MLIP: variants seen among roughly 807,000 people sequenced by gnomAD.
The protein encoded by MLIP is muscular LMNA-interacting protein.
A neutral mutation model predicts 84.8 loss-of-function variants in MLIP; 79 were observed. That is an observed-to-expected ratio of 0.93 (90% CI 0.78 to 1.12). MLIP has a LOEUF of 1.12. Ranked by LOEUF, MLIP falls within the 50% of genes most tolerant of loss-of-function variation. MLIP has a pLI of 0.00. For missense variants in MLIP, 1,257 were observed against 1,160.6 expected, an observed-to-expected ratio of 1.08 and a Z score of -1.21; for synonymous variants, 504 against 463.0, an observed-to-expected ratio of 1.09 and a Z score of -1.14.
At chr6:54,154,324 T>TAGGA (rs2150540388) in intron 5 of MLIP, among the ~76,000 whole-genome samples, 1 of 152,288 alleles carries the variant, frequency 6.6e-6, no homozygotes, top group East Asian at 1.9e-4. Context: ...GATCTTTCTT[T>TAGGA]AGGACAGAAT....
chr6:54,248,048 G>A (rs191631763), intron 12 of MLIP, among the ~76,000 whole-genome samples: 1 of 152,066 alleles, frequency 6.6e-6, no homozygotes, highest in Non-Finnish European at 1.5e-5. Flanking sequence ...TGGGATTAAC[G>A]CAGGGGCAGG....
chr6:54,137,527 G>C lies in MLIP; in HGVS notation c.1458G>C (p.Leu486Phe). ...PDQGELQVSE[L>F]TQQSFHLPVF... is the part of the protein sequence containing the mutation. ...AAGGGGAACTCCAGGTTTCTGAATT[G>C]ACCCAGCAATCTTTTCACCTGCCTG... Residue 486 changes from leucine to phenylalanine, a missense_variant, in exon 4 of 14, where the codon TTG (leucine) becomes TTC (phenylalanine). Transcript: ENST00000502396. 6.5e-7 allele frequency: 1 copy of C among 1,536,076 alleles called. No individual in the cohort carries two copies. Among genetic ancestry groups the C allele is most frequent in the South Asian group, 1.2e-5 (1 of 84,058 alleles).
At chr6:54,181,100 G>C (rs1218499648) in intron 9 of MLIP, among the ~76,000 whole-genome samples, 2 of 152,150 alleles carry the variant, frequency 1.3e-5, no homozygotes, top group Non-Finnish European at 2.9e-5. Flanking sequence ...CCTGTGGCAA[G>C]TTCCCCCAGG....
chr6:54,079,259 T>A (rs775488466), intron 1 of MLIP, among the ~76,000 whole-genome samples: 4 of 152,186 alleles, frequency 2.6e-5, no homozygotes, highest in Non-Finnish European at 1.5e-5. Context: ...TGGGTGAATC[T>A]GTTTAGGTAG....
At chr6:54,023,784 G>A (rs780869491) in intron 1 of MLIP, among the ~76,000 whole-genome samples, 4 of 151,974 alleles carry the variant, frequency 2.6e-5, no homozygotes, top group Non-Finnish European at 5.9e-5. Context: ...TAGCCAAGCT[G>A]GTCTCAAATT....
intron 1 of MLIP, among the ~76,000 whole-genome samples, chr6:54,060,025 T>C (rs1014608167): frequency 4.2e-5 from 2 of 47,908 alleles, no homozygotes; most frequent in African/African-American, 6.6e-5. Context: ...TGATTAACGA[T>C]TTTTAAAATA....
chr6:54,196,884 A>G (rs1778335649), intron 10 of MLIP, among the ~76,000 whole-genome samples: 1 of 152,144 alleles, frequency 6.6e-6, no homozygotes, highest in Admixed American at 6.6e-5. Context: ...AGCAGGTAAG[A>G]GAGGTGGAGA....
In MLIP at chr6:54,058,987, A is replaced by G. The variant is rs900859088; in HGVS notation, c.63+39896A>G. ...TAGTTGAACCTGAATGGTTTTAACA[A>G]CAGTATCAACAACAAAAAAGTAAAT... On this transcript the variant is annotated intron_variant, in intron 1 of 12. Coordinates refer to the MLIP transcript ENST00000274897. 2.6e-5 allele frequency: 4 copies of G among 152,344 alleles called. No homozygotes were observed. The East Asian group carries it at 5.8e-4, about 22-fold the overall frequency. The allele number at this position is 152,344 out of a possible 1,614,324, so 9.4% of individuals were successfully genotyped here. A position where few individuals can be genotyped will look rare whatever the true frequency, so the allele number is the denominator to read the frequency against.
chr6:54,090,283 A>T (rs946286816), intron 1 of MLIP, among the ~76,000 whole-genome samples: 2 of 152,132 alleles, frequency 1.3e-5, no homozygotes, highest in African/African-American at 4.8e-5. Context: ...AGCTGTATGG[A>T]GTCCATCAGC....
At chr6:54,185,233 C>A (rs560501652) in intron 9 of MLIP, among the ~76,000 whole-genome samples, 7 of 152,234 alleles carry the variant, frequency 4.6e-5, no homozygotes, top group South Asian at 2.1e-4. Context: ...TTGAAAAAAC[C>A]TGGTTACTTT....
chr6:54,037,489 G>C, intron 1 of MLIP, among the ~76,000 whole-genome samples: 1 of 151,904 alleles, frequency 6.6e-6, no homozygotes, highest in Non-Finnish European at 1.5e-5. Flanking sequence ...GAGACAGGGA[G>C]AGAGAATGAG....
chr6:54,229,711 T>C (rs1449846423), intron 11 of MLIP, among the ~76,000 whole-genome samples: 1 of 152,234 alleles, frequency 6.6e-6, no homozygotes, highest in East Asian at 1.9e-4. Context: ...TGTTCCTTTT[T>C]ATGGCCACAT....
intron 12 of MLIP, among the ~76,000 whole-genome samples, chr6:54,250,794 T>G (rs1458370011): frequency 6.6e-6 from 1 of 152,094 alleles, no homozygotes; most frequent in Non-Finnish European, 1.5e-5. Context: ...TCATCATGCT[T>G]CTTATTCCTA....
chr6:54,230,946 A>G (rs1176793500), intron 12 of MLIP, 29 bp downstream of exon 12: 2 of 1,600,890 alleles, frequency 1.2e-6, no homozygotes, highest in East Asian at 2.2e-5. Context: ...AATGAGGACT[A>G]TTCTATTCTG....
intron 10 of MLIP, among the ~76,000 whole-genome samples, chr6:54,190,796 C>CTTTT (rs1234496431): frequency 2.2e-5 from 3 of 133,748 alleles, no homozygotes; most frequent in Non-Finnish European, 4.9e-5. Flanking sequence ...CAAAGATTTT[C>CTTTT]TTTTTTTTTT....
chr6:54,162,515 G>A (rs1029776828), intron 8 of MLIP, among the ~76,000 whole-genome samples: 2 of 151,946 alleles, frequency 1.3e-5, no homozygotes, highest in Admixed American at 1.3e-4. Context: ...CGTAGAAGAT[G>A]AAAAATATGG....
intron 12 of MLIP, among the ~76,000 whole-genome samples, chr6:54,253,600 T>C (rs1782789426): frequency 6.6e-6 from 1 of 152,196 alleles, no homozygotes; most frequent in African/African-American, 2.4e-5. Flanking sequence ...TTTGCCTATT[T>C]TTTTTCTAGT....
At chr6:54,188,332 A>C (rs994631750) in intron 9 of MLIP, among the ~76,000 whole-genome samples, 5 of 152,118 alleles carry the variant, frequency 3.3e-5, no homozygotes, top group African/African-American at 1.2e-4. Flanking sequence ...AAACTTTTTA[A>C]TTTTTAAAAC....
chr6:54,192,301 T>TA lies in MLIP; in HGVS notation c.2589+2396dup, dbSNP rs551366547. On this transcript the variant is annotated intron_variant, in intron 10 of 13. Coordinates refer to ENST00000502396, the MANE Select transcript of MLIP (RefSeq NM_001281747.2). ...TTATTATCAAGTAAGCATATCACAT[T>TA]AAAAAAAAATCTCTTCTACTGATAT... Among the ~76,000 whole-genome samples the TA allele has an allele frequency of 2.1e-3, 323 of 151,128 alleles. 2 individuals are homozygous for TA. Among genetic ancestry groups the TA allele is most frequent in the African/African-American group, 6.8e-3 (281 of 41,372 alleles).
Sources: allele counts gnomAD v4.1 joint callset (sites outside exome capture counted in the v4.1 genomes callset), GRCh38; gene constraint gnomAD v4.1.1; transcripts MANE v1.5; gene names NCBI Gene and HGNC (gene_info 2026-07-23, HGNC 2026-07-21).